Variants in RAPGEF6 observed in about 807,000 individuals in gnomAD.
RAPGEF6 encodes Rap guanine nucleotide exchange factor 6.
A neutral mutation model predicts 171.4 loss-of-function variants in RAPGEF6; 56 were observed. The observed-to-expected ratio is 0.33, with a 90% CI of 0.26 to 0.41. The LOEUF is 0.41. Among genes scored for constraint, RAPGEF6 ranks in the 10% least tolerant of loss-of-function variants. The pLI is 1.00. For missense variants in RAPGEF6, 1,674 were observed against 1,921.4 expected (o/e 0.87, Z 2.41); for synonymous variants, 692 against 650.1 (o/e 1.06, Z -0.98).
At chr5:131,583,872 T>TA (rs1763101143) in intron 4 of RAPGEF6, among the ~76,000 whole-genome samples, 2 of 152,202 alleles carry the variant, frequency 1.3e-5, no homozygotes, top group African/African-American at 4.8e-5. Context: ...GAAATATTGA[T>TA]ACACATAACA....
chr5:131,528,194 TTA>T (rs1200924334), intron 6 of RAPGEF6, among the ~76,000 whole-genome samples: 28 of 126,240 alleles, frequency 2.2e-4, no homozygotes, highest in South Asian at 6.6e-4. Flanking sequence ...TATATTATAA[TTA>T]TATATATTAT....
chr5:131,573,969 T>C (rs1762454444), intron 4 of RAPGEF6, among the ~76,000 whole-genome samples: 1 of 152,154 alleles, frequency 6.6e-6, no homozygotes, highest in African/African-American at 2.4e-5. Context: ...ACCTTCAAGG[T>C]GTTCAATAAC....
intron 1 of RAPGEF6, among the ~76,000 whole-genome samples, chr5:131,632,734 G>A (rs1164553304): frequency 6.6e-6 from 1 of 152,190 alleles, no homozygotes; most frequent in Admixed American, 6.5e-5. Context: ...TCTGAAAACA[G>A]AAATGAACTT....
chr5:131,605,282 A>G (rs1580663294), intron 1 of RAPGEF6, among the ~76,000 whole-genome samples: 1 of 152,248 alleles, frequency 6.6e-6, no homozygotes, highest in African/African-American at 2.4e-5. Flanking sequence ...ATGACATAGT[A>G]TAACCTCAAC....
intron 4 of RAPGEF6, among the ~76,000 whole-genome samples, chr5:131,585,413 G>C (rs1763199677): frequency 6.6e-6 from 1 of 152,100 alleles, no homozygotes. Context: ...AGTCAAGCTG[G>C]AAACTGCTTA....
At chr5:131,509,131 C>T (rs1757548757) in intron 8 of RAPGEF6, among the ~76,000 whole-genome samples, 1 of 152,154 alleles carries the variant, frequency 6.6e-6, no homozygotes, top group Non-Finnish European at 1.5e-5. Flanking sequence ...ATATGTTTGA[C>T]ACTAAGTGAT....
In RAPGEF6 at chr5:131,427,081, T is replaced by A; in HGVS notation, c.*185A>T. On this transcript the variant is annotated 3_prime_UTR_variant, in exon 28 of 28. Transcript: ENST00000509018. The stretch of plus-strand genomic sequence containing the variant: ...CATCCATTGCTCAGGAAACTATTTA[T>A]CTGCAGAAATTAAATGAAAGGAAGC... The A allele has an allele frequency of 1.5e-6, 1 of 661,962 alleles. No individual in the cohort carries two copies. Among genetic ancestry groups the A allele is most frequent in the East Asian group, 2.7e-5 (1 of 37,024 alleles). The allele number at this position is 661,962 out of a possible 1,614,324, so 41.0% of individuals were successfully genotyped here.
intron 3 of RAPGEF6, among the ~76,000 whole-genome samples, chr5:131,602,416 G>C (rs753592181): frequency 1.3e-5 from 2 of 151,900 alleles, no homozygotes; most frequent in Non-Finnish European, 2.9e-5. Flanking sequence ...AAGCAATAAG[G>C]GCACAAAAAT....
intron 5 of RAPGEF6, 94 bp downstream of exon 5, chr5:131,561,884 G>C: frequency 4.4e-6 from 4 of 902,710 alleles, no homozygotes; most frequent in Non-Finnish European, 7.1e-6. Context: ...AAAGGTCATA[G>C]TAATAAAACC....
At chr5:131,590,653 T>C (rs997087233) in intron 4 of RAPGEF6, among the ~76,000 whole-genome samples, 2 of 152,202 alleles carry the variant, frequency 1.3e-5, no homozygotes, top group African/African-American at 4.8e-5. Flanking sequence ...TCCATAATCA[T>C]GTTTCCTGTG....
At chr5:131,628,337 G>A (rs1766076168) in intron 1 of RAPGEF6, among the ~76,000 whole-genome samples, 1 of 151,872 alleles carries the variant, frequency 6.6e-6, no homozygotes. Flanking sequence ...AAGTTTGAGT[G>A]GTCTAGATAA....
chr5:131,534,393 G>A (rs1459432280), intron 6 of RAPGEF6, among the ~76,000 whole-genome samples: 1 of 152,058 alleles, frequency 6.6e-6, no homozygotes, highest in African/African-American at 2.4e-5. Context: ...TTTGAACAAA[G>A]ACAAGTTATG....
chr5:131,545,052 T>C (rs964556097), intron 6 of RAPGEF6, among the ~76,000 whole-genome samples: 4 of 152,112 alleles, frequency 2.6e-5, no homozygotes, highest in Non-Finnish European at 4.4e-5. Context: ...TAAGAAATTG[T>C]ATCAAAAAAA....
At chr5:131,428,500 G>A (rs1403574161) in intron 27 of RAPGEF6, among the ~76,000 whole-genome samples, 1 of 146,828 alleles carries the variant, frequency 6.8e-6, no homozygotes, top group Non-Finnish European at 1.5e-5. Flanking sequence ...TGTTCTTGTT[G>A]TCCAGGCTGG....
intron 5 of RAPGEF6, among the ~76,000 whole-genome samples, chr5:131,553,218 A>G (rs1405458072): frequency 1.3e-5 from 2 of 152,214 alleles, no homozygotes; most frequent in African/African-American, 4.8e-5. Flanking sequence ...AACACTGAGA[A>G]TAATCTTCCA....
At chr5:131,537,071 T>A (rs1479816668) in intron 6 of RAPGEF6, among the ~76,000 whole-genome samples, 1 of 152,198 alleles carries the variant, frequency 6.6e-6, no homozygotes, top group Non-Finnish European at 1.5e-5. Flanking sequence ...CAGCATTAAT[T>A]TGTTTGCTAT....
intron 21 of RAPGEF6, among the ~76,000 whole-genome samples, chr5:131,451,690 T>G (rs1753086666): frequency 1.3e-5 from 2 of 152,236 alleles, no homozygotes; most frequent in Non-Finnish European, 1.5e-5. Context: ...CAACTCTGGC[T>G]TTTAAAATAT....
intron 7 of RAPGEF6, among the ~76,000 whole-genome samples, chr5:131,516,724 A>G (rs1390462821): frequency 6.6e-6 from 1 of 152,204 alleles, no homozygotes; most frequent in African/African-American, 2.4e-5. Context: ...TCTCTTGAAT[A>G]CTCTTTGAAG....
chr5:131,435,632 T>G, intron 24 of RAPGEF6: 1 of 206,732 alleles, frequency 4.8e-6, no homozygotes, highest in South Asian at 1.2e-4. Flanking sequence ...GATTCTGATA[T>G]TGCTATGTTA....
Sources: allele counts gnomAD v4.1 joint callset (sites outside exome capture counted in the v4.1 genomes callset), GRCh38; gene constraint gnomAD v4.1.1; transcripts MANE v1.5; gene names NCBI Gene and HGNC (gene_info 2026-07-23, HGNC 2026-07-21).